The following MME variants were observed in gnomAD, a reference collection of about 807,000 sequenced individuals.
The protein encoded by MME is membrane metalloendopeptidase, also known as neprilysin.
In MME, 98 loss-of-function variants were observed where a neutral mutation model predicts 113.2. The ratio of observed to expected loss-of-function variants is 0.87; its 90% CI spans 0.74 to 1.02. The LOEUF is 1.02. Ranked by LOEUF, MME falls within the 50% of genes least tolerant of loss-of-function variation. The pLI is 0.00. For missense variants in MME, 836 were observed against 896.0 expected (o/e 0.93, Z 0.86); for synonymous variants, 292 against 300.6 (o/e 0.97, Z 0.30).
rs963818777 is a variant in MME at position 155,172,602 on chromosome 3, G to A, written c.2143G>A (p.Gly715Ser). The change falls in exon 22 of 23, where the codon GGC becomes AGC. Residue 715 changes from glycine to serine, a missense_variant. Coordinates refer to ENST00000360490, the MANE Select transcript of MME (RefSeq NM_007289.4). ...CATTAAAACAGATGTGCACAGTCCA[G>A]GCAATTTCAGGTGCGTGGATATGAA... ...NSIKTDVHSP[G>S]NFRIIGTLQN... 2 of 1,611,700 alleles carry A rather than the reference G, an allele frequency of 1.2e-6. No individual in the cohort carries two copies. Among genetic ancestry groups the A allele is most frequent in the Non-Finnish European group, 1.7e-6 (2 of 1,178,074 alleles).
At chr3:155,057,706 T>C (rs1232739856) in intron 1 of MME, among the ~76,000 whole-genome samples, 1 of 151,170 alleles carries the variant, frequency 6.6e-6, no homozygotes, top group Non-Finnish European at 1.5e-5. Flanking sequence ...TTTTTTTTTT[T>C]CTAAATTGTG....
chr3:155,138,364 A>G (rs1166319443), intron 9 of MME, 128 bp downstream of exon 9: 7 of 918,566 alleles, frequency 7.6e-6, no homozygotes, highest in Non-Finnish European at 1.2e-5. Context: ...ATGGCTTGGT[A>G]ATAGATCATT....
chr3:155,049,871 GT>G (rs1475072248), intron 1 of MME, among the ~76,000 whole-genome samples: 4 of 152,080 alleles, frequency 2.6e-5, no homozygotes, highest in Non-Finnish European at 5.9e-5. Context: ...ACACTTGCAA[GT>G]TTGTTATATA....
intron 1 of MME, among the ~76,000 whole-genome samples, chr3:155,041,264 T>C (rs769220367): frequency 6.6e-6 from 1 of 152,174 alleles, no homozygotes; most frequent in Non-Finnish European, 1.5e-5. Flanking sequence ...CCCCAATCCA[T>C]CTACACAGCA....
At chr3:155,041,211 C>T (rs1353029356) in intron 1 of MME, among the ~76,000 whole-genome samples, 1 of 152,126 alleles carries the variant, frequency 6.6e-6, no homozygotes, top group Admixed American at 6.6e-5. Context: ...GTCCATGTCA[C>T]CATGTCACTC....
intron 8 of MME, among the ~76,000 whole-genome samples, chr3:155,132,169 T>C (rs995732546): frequency 1.3e-5 from 2 of 152,230 alleles, no homozygotes; most frequent in Non-Finnish European, 2.9e-5. Flanking sequence ...AGGACAGTTT[T>C]CTGTTCCTCC....
At chr3:155,076,828 C>T (rs1714764690), upstream of MME, among the ~76,000 whole-genome samples, 2 of 152,176 alleles carry the variant, frequency 1.3e-5, no homozygotes, top group Non-Finnish European at 2.9e-5. Context: ...GTTGCTATAG[C>T]ATTTGTAAAC....
intron 12 of MME, among the ~76,000 whole-genome samples, 150 bp from the exon 13 acceptor site, chr3:155,143,284 TTTGGATTAC>T (rs1721258573): frequency 6.6e-6 from 1 of 152,144 alleles, no homozygotes; most frequent in Admixed American, 6.6e-5. Flanking sequence ...AAACAATCCA[TTTGGATTAC>T]ATTTCATCAT....
chr3:155,167,970 A>G (rs1711518548), intron 18 of MME, among the ~76,000 whole-genome samples: 1 of 152,230 alleles, frequency 6.6e-6, no homozygotes, highest in Admixed American at 6.5e-5. Context: ...CATGATACAT[A>G]TAAATGCAAT....
intron 3 of MME, among the ~76,000 whole-genome samples, chr3:155,095,781 G>T (rs1219989114): frequency 6.6e-6 from 1 of 152,132 alleles, no homozygotes; most frequent in African/African-American, 2.4e-5. Flanking sequence ...TCAGGAAAAT[G>T]AAAACCTGGT....
At chr3:155,088,337 G>A (rs1162094689) in intron 3 of MME, among the ~76,000 whole-genome samples, 1 of 152,114 alleles carries the variant, frequency 6.6e-6, no homozygotes, top group Admixed American at 6.6e-5. Flanking sequence ...TTGGACAAAA[G>A]CAAGTATTAA....
At chr3:155,107,122 G>A (rs765027897) in intron 3 of MME, among the ~76,000 whole-genome samples, 2 of 152,182 alleles carry the variant, frequency 1.3e-5, no homozygotes, top group African/African-American at 2.4e-5. Flanking sequence ...TTGGGAGACT[G>A]AGGCGGGTGG....
chr3:155,034,289 C>T (rs1019783819), intron 1 of MME, among the ~76,000 whole-genome samples: 6 of 152,178 alleles, frequency 3.9e-5, no homozygotes, highest in African/African-American at 1.4e-4. Flanking sequence ...TTCTGAGTCC[C>T]AGAATGTGCT....
chr3:155,164,551 C>T (rs1722952075), intron 17 of MME, among the ~76,000 whole-genome samples: 1 of 151,536 alleles, frequency 6.6e-6, no homozygotes, highest in Non-Finnish European at 1.5e-5. Flanking sequence ...ACCATAAAAT[C>T]TTATCACTTG....
intron 8 of MME, among the ~76,000 whole-genome samples, chr3:155,127,222 T>C (rs1576619268): frequency 6.6e-6 from 1 of 152,122 alleles, no homozygotes; most frequent in African/African-American, 2.4e-5. Context: ...GTCATGCCAG[T>C]CTGGAAGTAG....
At chr3:155,065,268 G>GTAGCTA (rs1388527164) in intron 1 of MME, among the ~76,000 whole-genome samples, 3 of 152,134 alleles carry the variant, frequency 2.0e-5, no homozygotes, top group Non-Finnish European at 4.4e-5. Context: ...ACATATAGCT[G>GTAGCTA]TAGCTACTGT....
intron 3 of MME, 76 bp downstream of exon 3, chr3:155,085,170 G>A: frequency 2.1e-6 from 2 of 956,840 alleles, no homozygotes; most frequent in Admixed American, 2.0e-5. Context: ...ATCTTAATTT[G>A]CTTTGTTTAC....
intron 17 of MME, 27 bp downstream of exon 17, chr3:155,160,475 T>TAAG: frequency 6.8e-7 from 1 of 1,476,034 alleles, no homozygotes; most frequent in Non-Finnish European, 9.5e-7. Flanking sequence ...AATAATTATT[T>TAAG]AATATTTCTC....
chr3:155,110,742 A>G (rs945530248), intron 3 of MME, among the ~76,000 whole-genome samples: 9 of 152,328 alleles, frequency 5.9e-5, no homozygotes, highest in African/African-American at 2.2e-4. Context: ...AAATTGGAAA[A>G]TAAAGGTAAG....
Sources: gnomAD v4.1 joint callset for allele counts (sites outside exome capture counted in the v4.1 genomes callset) on GRCh38, gnomAD v4.1.1 for gene constraint, MANE v1.5 for transcripts, NCBI Gene and HGNC (gene_info 2026-07-23, HGNC 2026-07-21) for gene names.